Variants in METAP1 observed in about 807,000 individuals in gnomAD.
METAP1 encodes the protein methionine aminopeptidase 1.
METAP1 carries 28 observed loss-of-function variants against 53.8 expected under a neutral mutation model. The observed-to-expected ratio is 0.52, with a 90% CI of 0.39 to 0.71. The LOEUF is 0.71. METAP1 is among the 30% of genes least tolerant of loss of function. METAP1 has a pLI of 0.00. For missense variants in METAP1, 389 were observed against 479.8 expected (o/e 0.81, Z 1.77); for synonymous variants, 181 against 165.7 (o/e 1.09, Z -0.71).
rs976719925 is a variant in METAP1 at position 99,046,894 on chromosome 4, T to C, written c.787+1584T>C. Among the ~76,000 whole-genome samples, 4 of 140,022 alleles carry C rather than the reference T, an allele frequency of 2.9e-5. No homozygotes were observed. The East Asian group carries it at 8.6e-4, about 30-fold the overall frequency. The allele number at this position is 140,022 out of a possible 152,430, so 91.9% of individuals were successfully genotyped here. On this transcript the variant is annotated intron_variant, in intron 8 of 10. Coordinates refer to ENST00000296411, the MANE Select transcript of METAP1 (RefSeq NM_015143.3). ...AGTTTCTGCCAGATAATATAGTCAA[T>C]ATTTCTATTCTTTTTGCTTCTCTGT...
At chr4:99,013,553 A>G (rs1024601355) in intron 1 of METAP1, among the ~76,000 whole-genome samples, 5 of 152,202 alleles carry the variant, frequency 3.3e-5, no homozygotes, top group Admixed American at 3.3e-4. Context: ...GAGCACACCA[A>G]ACAAAGGAGA....
At chr4:98,995,936 C>T in intron 1 of METAP1, 69 bp downstream of exon 1, 1 of 1,267,744 alleles carries the variant, frequency 7.9e-7, no homozygotes, top group South Asian at 1.3e-5. Context: ...CCTGCTGGCT[C>T]CTCCCGCCCT....
chr4:99,030,380 A>G (rs9307232), intron 2 of METAP1, among the ~76,000 whole-genome samples: 2,066 of 152,202 alleles, frequency 0.014, 39 homozygotes, highest in African/African-American at 0.047. Flanking sequence ...GATTTAGGCT[A>G]TTTGCATTTT....
intron 1 of METAP1, among the ~76,000 whole-genome samples, chr4:98,996,140 C>T (rs912679361): frequency 1.3e-5 from 2 of 152,098 alleles, no homozygotes; most frequent in African/African-American, 4.8e-5. Context: ...TGCGGGGTCG[C>T]GTGGCCGCGC....
At chr4:98,996,321 G>T (rs1369065227) in intron 1 of METAP1, among the ~76,000 whole-genome samples, 1 of 152,344 alleles carries the variant, frequency 6.6e-6, no homozygotes, top group East Asian at 1.9e-4. Flanking sequence ...GCGCCGGGCC[G>T]TCCGTCGGGT....
intron 1 of METAP1, chr4:99,022,949 C>G: frequency 1.3e-6 from 2 of 1,488,626 alleles, no homozygotes; most frequent in South Asian, 1.2e-5. Context: ...AGGTTGCGGA[C>G]ATGTAGGGGC....
rs114537532 is a variant in METAP1, at chr4:99,022,662, C to A, written c.115-6205C>A. 1,156 of 1,177,472 alleles carry A rather than the reference C, an allele frequency of 9.8e-4. 8 individuals carry two copies. The African/African-American group carries it at 0.016, about 16-fold the overall frequency. 72.9% of individuals were successfully genotyped at this position (1,177,472 alleles called of 1,614,324 possible). On this transcript the variant is annotated intron_variant, in intron 1 of 10. Coordinates refer to ENST00000296411, the MANE Select transcript of METAP1 (RefSeq NM_015143.3). ...ACCTGGCGCTCAAAGGCAAGGTGCT[C>A]GCTGTGGTGGGACCAGGTGAAATGG...
intron 4 of METAP1, chr4:99,039,148 C>G: frequency 2.6e-6 from 1 of 384,780 alleles, no homozygotes; most frequent in Non-Finnish European, 4.6e-6. Flanking sequence ...TCTAATAGGT[C>G]TGAAAATTTA....
Position 99,041,086 on chromosome 4 carries a change from C to A in METAP1, c.476C>A (p.Pro159Gln). 1 of 1,608,080 alleles carries A rather than the reference C, an allele frequency of 6.2e-7. No individual in the cohort carries two copies. Among genetic ancestry groups the A allele is most frequent in the Non-Finnish European group, 8.5e-7 (1 of 1,176,256 alleles). Residue 159 changes from proline to glutamine, a missense_variant, in exon 6 of 11, where the codon CCA becomes CAA. By Grantham distance (76) the Pro-to-Gln change is moderately conservative. Coordinates refer to ENST00000296411, the MANE Select transcript of METAP1 (RefSeq NM_015143.3). ...GATGTTGCTGCCGGCATGATTAAAC[C>A]AGGTGTAACTACTGAAGAAATAGAT... ...VLDVAAGMIKPGVTTEEIDHA... is the reference protein window; with the variant it reads ...VLDVAAGMIKQGVTTEEIDHA...
At chr4:99,024,602 G>A (rs995065309) in intron 1 of METAP1, among the ~76,000 whole-genome samples, 1 of 152,230 alleles carries the variant, frequency 6.6e-6, no homozygotes, top group African/African-American at 2.4e-5. Context: ...GATCCATCAA[G>A]TGCAGAGTCT....
chr4:99,033,705 A>G (rs752214378), intron 2 of METAP1, among the ~76,000 whole-genome samples: 27 of 152,208 alleles, frequency 1.8e-4, no homozygotes, highest in Non-Finnish European at 3.4e-4. Flanking sequence ...TTTCAAAGCA[A>G]TTTGAAATAT....
At position 99,001,678 on chromosome 4, in the gene METAP1, A is replaced by AT. The variant is rs1722934081; in HGVS notation, c.114+5817dup. 2.0e-5 allele frequency among the ~76,000 whole-genome samples: 3 copies of AT among 152,038 alleles called. No homozygotes were observed. The South Asian group carries it at 6.2e-4, about 32-fold the overall frequency. ...TATAGTTGAATTTAATTTCTTTTCA[A>AT]TTTTTTACCTTCTGTTTACTCTTCA... On this transcript the variant is annotated intron_variant, in intron 1 of 10. Transcript: ENST00000296411.
intron 1 of METAP1, among the ~76,000 whole-genome samples, chr4:99,017,480 T>C (rs1723834107): frequency 6.6e-6 from 1 of 152,252 alleles, no homozygotes; most frequent in Non-Finnish European, 1.5e-5. Flanking sequence ...AGGACCCATC[T>C]AGGAACAAAT....
chr4:99,010,472 C>A (rs1723411807), intron 1 of METAP1, among the ~76,000 whole-genome samples: 1 of 152,054 alleles, frequency 6.6e-6, no homozygotes, highest in Non-Finnish European at 1.5e-5. Flanking sequence ...ACAAAAACCT[C>A]CCAAAAAACA....
At chr4:99,026,458 G>A (rs1484756262) in intron 1 of METAP1, 2 of 985,330 alleles carry the variant, frequency 2.0e-6, no homozygotes, top group Non-Finnish European at 2.4e-6. Flanking sequence ...AATGGGTAAA[G>A]CTTCTGAGGA....
chr4:99,010,787 C>G (rs1723428205), intron 1 of METAP1, among the ~76,000 whole-genome samples: 1 of 152,130 alleles, frequency 6.6e-6, no homozygotes, highest in African/African-American at 2.4e-5. Flanking sequence ...TTATCGTTTT[C>G]AGATACATGA....
intron 10 of METAP1, among the ~76,000 whole-genome samples, 191 bp downstream of exon 10, chr4:99,058,009 G>C (rs918723572): frequency 6.6e-6 from 1 of 152,070 alleles, no homozygotes; most frequent in African/African-American, 2.4e-5. Flanking sequence ...TGGGTTCTGC[G>C]TGGTAGTCTT....
rs75162988 is a variant in METAP1 at position 99,032,086 on chromosome 4, T to C, written c.167-2144T>C. Among the ~76,000 whole-genome samples, 496 of 152,318 alleles carry C rather than the reference T, an allele frequency of 3.3e-3. 5 individuals are homozygous for C. Among genetic ancestry groups the C allele is most frequent in the African/African-American group, 0.011 (460 of 41,574 alleles). On this transcript the variant is annotated intron_variant, in intron 2 of 10. Transcript: ENST00000296411. The stretch of plus-strand genomic sequence containing the variant: ...AAATTGATCCTAAAATGTAAACGAA[T>C]TTTCTTTTCAAGTGTGAATTTTCCG...
chr4:99,031,549 C>T, intron 2 of METAP1: 1 of 1,288,950 alleles, frequency 7.8e-7, no homozygotes, highest in Non-Finnish European at 1.0e-6. Context: ...CTCCACCAAA[C>T]TTTGTGACCA....
Sources: gnomAD v4.1 joint callset for allele counts (sites outside exome capture counted in the v4.1 genomes callset) on GRCh38, gnomAD v4.1.1 for gene constraint, MANE v1.5 for transcripts, NCBI Gene and HGNC (gene_info 2026-07-23, HGNC 2026-07-21) for gene names.